The following GALNT13 variants were observed in gnomAD, a reference collection of about 807,000 sequenced individuals.
GALNT13 encodes polypeptide N-acetylgalactosaminyltransferase 13.
A neutral mutation model predicts 64.2 loss-of-function variants in GALNT13; 28 were observed. That is an observed-to-expected ratio of 0.44 (90% CI 0.32 to 0.60). GALNT13 has a LOEUF of 0.60. Among genes scored for constraint, GALNT13 ranks in the 20% least tolerant of loss-of-function variants. The pLI is 0.05. For missense variants in GALNT13, 577 were observed against 669.8 expected (o/e 0.86, Z 1.53); for synonymous variants, 214 against 224.6 (o/e 0.95, Z 0.42).
At chr2:153,251,154 A>C in the GALNT13 span, among the ~76,000 whole-genome samples, 1 of 152,250 alleles carries the variant, frequency 6.6e-6, no homozygotes, top group East Asian at 1.9e-4. Flanking sequence ...TGCATTGCCA[A>C]ATATGAAATG....
the GALNT13 span, among the ~76,000 whole-genome samples, chr2:153,381,121 T>A: frequency 2.0e-5 from 3 of 151,946 alleles, no homozygotes. Context: ...AATATTTGTA[T>A]TTTTTTGTAG....
chr2:153,947,169 C>G (rs971035976), intron 3 of GALNT13, among the ~76,000 whole-genome samples: 2 of 151,990 alleles, frequency 1.3e-5, no homozygotes, highest in Non-Finnish European at 2.9e-5. Context: ...CATTCATTCA[C>G]TCATTCATTA....
rs549154353 is a variant in GALNT13 at position 154,281,931 on chromosome 2, A to G, written c.976-19478A>G. Among the ~76,000 whole-genome samples, 8 of 152,248 alleles carry G rather than the reference A, an allele frequency of 5.3e-5. No homozygotes were observed. In the South Asian group the frequency reaches 1.7e-3, roughly 32 times the overall value. Reference sequence around the variant, plus strand: ...TTTAAAAAAACCTACTTCAAGGTCAATTTGCTAATTCCTTTAGAAAATGAG... The same window carrying G: ...TTTAAAAAAACCTACTTCAAGGTCAGTTTGCTAATTCCTTTAGAAAATGAG... On this transcript the variant is annotated intron_variant, in intron 8 of 12. Transcript: ENST00000392825.
the GALNT13 span, among the ~76,000 whole-genome samples, chr2:153,777,137 C>G: frequency 6.6e-6 from 1 of 152,110 alleles, no homozygotes; most frequent in African/African-American, 2.4e-5. Context: ...ATATGCAGAT[C>G]AGATGTTAGT....
At chr2:153,941,276 A>G (rs892401132) in intron 2 of GALNT13, among the ~76,000 whole-genome samples, 2 of 152,228 alleles carry the variant, frequency 1.3e-5, no homozygotes, top group Non-Finnish European at 2.9e-5. Context: ...GATTACAGGC[A>G]TGAGCCACTG....
At chr2:153,821,022 T>C in the GALNT13 span, among the ~76,000 whole-genome samples, 1 of 151,782 alleles carries the variant, frequency 6.6e-6, no homozygotes, top group Non-Finnish European at 1.5e-5. Context: ...GAGAAAGATA[T>C]ATCATGCAAA....
chr2:153,735,982 T>C, the GALNT13 span, among the ~76,000 whole-genome samples: 1 of 152,208 alleles, frequency 6.6e-6, no homozygotes, highest in Non-Finnish European at 1.5e-5. Context: ...ATAAATGTTT[T>C]GTGAAAGGGT....
the GALNT13 span, among the ~76,000 whole-genome samples, chr2:153,618,837 CT>C: frequency 1.3e-5 from 2 of 151,824 alleles, no homozygotes; most frequent in Non-Finnish European, 2.9e-5. Context: ...AGTGTAGCAA[CT>C]TCTGCTCCTT....
At chr2:153,216,647 G>C in the GALNT13 span, among the ~76,000 whole-genome samples, 1 of 151,656 alleles carries the variant, frequency 6.6e-6, no homozygotes, top group Non-Finnish European at 1.5e-5. Flanking sequence ...TTTTAATATT[G>C]GATTTTTGTT....
the GALNT13 span, among the ~76,000 whole-genome samples, chr2:153,674,640 G>A: frequency 6.6e-6 from 1 of 152,048 alleles, no homozygotes; most frequent in Admixed American, 6.6e-5. Context: ...ATAGGCATAG[G>A]CAAAGACTTC....
At chr2:153,072,712 C>T in the GALNT13 span, among the ~76,000 whole-genome samples, 1 of 152,164 alleles carries the variant, frequency 6.6e-6, no homozygotes, top group African/African-American at 2.4e-5. Flanking sequence ...CATAAAATGA[C>T]ATTAAATATA....
chr2:154,066,741 T>C (rs1700485804), intron 3 of GALNT13, among the ~76,000 whole-genome samples: 2 of 152,142 alleles, frequency 1.3e-5, no homozygotes. Context: ...AAGGGAGTTA[T>C]TTAATTTGAA....
the GALNT13 span, among the ~76,000 whole-genome samples, chr2:153,080,672 A>G: frequency 6.6e-6 from 1 of 152,038 alleles, no homozygotes; most frequent in African/African-American, 2.4e-5. Flanking sequence ...TAGTCTTACA[A>G]TTTTTTGTCC....
chr2:154,419,902 T>C (rs1318376839), intron 11 of GALNT13, among the ~76,000 whole-genome samples: 1 of 152,140 alleles, frequency 6.6e-6, no homozygotes, highest in East Asian at 1.9e-4. Context: ...GTTGATTAAT[T>C]GGTTAAAGTA....
chr2:154,359,431 A>G (rs1035583766), intron 9 of GALNT13, among the ~76,000 whole-genome samples: 6 of 152,066 alleles, frequency 3.9e-5, no homozygotes, highest in Non-Finnish European at 5.9e-5. Context: ...CAGTAGGGAG[A>G]ATTGCTGCCT....
chr2:153,600,453 A>G, the GALNT13 span, among the ~76,000 whole-genome samples: 6 of 152,012 alleles, frequency 3.9e-5, no homozygotes, highest in Admixed American at 1.3e-4. Context: ...ATGTAGGCTT[A>G]AAAGGAAGTG....
chr2:154,158,649 G>T (rs983818242), intron 4 of GALNT13, among the ~76,000 whole-genome samples: 2 of 152,152 alleles, frequency 1.3e-5, no homozygotes, highest in Non-Finnish European at 2.9e-5. Context: ...ACCATACCAA[G>T]AACAATTCTA....
At chr2:153,890,574 T>C (rs1247487195) in intron 1 of GALNT13, among the ~76,000 whole-genome samples, 1 of 152,062 alleles carries the variant, frequency 6.6e-6, no homozygotes, top group Non-Finnish European at 1.5e-5. Flanking sequence ...TTAGAAATGG[T>C]ATGAGTTCCT....
the GALNT13 span, among the ~76,000 whole-genome samples, chr2:153,114,049 C>G: frequency 6.6e-6 from 1 of 152,046 alleles, no homozygotes; most frequent in Non-Finnish European, 1.5e-5. Flanking sequence ...CTAGGCTTTC[C>G]CTAGGGCTAC....
Sources: gnomAD v4.1 joint callset for allele counts (sites outside exome capture counted in the v4.1 genomes callset) on GRCh38, gnomAD v4.1.1 for gene constraint, MANE v1.5 for transcripts, NCBI Gene and HGNC (gene_info 2026-07-23, HGNC 2026-07-21) for gene names.